The following ANXA2 variants were observed in gnomAD, a reference collection of about 807,000 sequenced individuals.
ANXA2 encodes annexin II.
A neutral mutation model predicts 47.3 loss-of-function variants in ANXA2; 28 were observed. That is an observed-to-expected ratio of 0.59 (90% CI 0.44 to 0.81). The LOEUF (loss-of-function observed/expected upper bound fraction) is 0.81, where lower values mean the gene tolerates loss of function less well. ANXA2 is among the 40% of genes least tolerant of loss of function. The probability of loss-of-function intolerance (pLI) is 0.00; values close to 1 mark genes in which losing one functional copy is unlikely to be tolerated. For synonymous variants in ANXA2, 172 were observed against 155.5 expected (o/e 1.11, Z -0.79); for missense variants, 384 against 414.3 (o/e 0.93, Z 0.64).
intron 12 of ANXA2, among the ~76,000 whole-genome samples, chr15:60,348,196 A>T (rs1895813274): frequency 6.6e-6 from 1 of 152,206 alleles, no homozygotes; most frequent in African/African-American, 2.4e-5. Context: ...GCTACAAAAA[A>T]TCCAGCTCTA....
chr15:60,369,331 T>C (rs751743475), intron 3 of ANXA2, among the ~76,000 whole-genome samples: 20 of 152,262 alleles, frequency 1.3e-4, no homozygotes, highest in Admixed American at 7.2e-4. Flanking sequence ...CAAAATTCTA[T>C]GGCTCTAGGT....
At chr15:60,350,680 T>C (rs913730883) in intron 11 of ANXA2, among the ~76,000 whole-genome samples, 1 of 152,122 alleles carries the variant, frequency 6.6e-6, no homozygotes, top group Non-Finnish European at 1.5e-5. Context: ...GGGGCTGTCT[T>C]TGGGGTCTGA....
intron 5 of ANXA2, 137 bp downstream of exon 5, chr15:60,360,804 T>C: frequency 1.6e-6 from 1 of 638,606 alleles, no homozygotes; most frequent in Non-Finnish European, 2.8e-6. Flanking sequence ...CTGAGACATA[T>C]AACTTCAGTT....
intron 1 of ANXA2, among the ~76,000 whole-genome samples, chr15:60,392,022 T>A (rs2063018402): frequency 6.6e-6 from 1 of 152,156 alleles, no homozygotes; most frequent in South Asian, 2.1e-4. Flanking sequence ...TGACCCTTTA[T>A]CAGAGAACGT....
chr15:60,372,903 C>G (rs1157392002), intron 3 of ANXA2, among the ~76,000 whole-genome samples: 1 of 151,832 alleles, frequency 6.6e-6, no homozygotes, highest in Admixed American at 6.6e-5. Context: ...CCTTTGTTGC[C>G]CAGGCCCTCC....
intron 1 of ANXA2, chr15:60,390,460 G>A: frequency 2.0e-6 from 1 of 510,632 alleles, no homozygotes; most frequent in Non-Finnish European, 3.9e-6. Context: ...AGGACTCCCT[G>A]TATGCCCAGG....
intron 1 of ANXA2, chr15:60,397,144 A>C (rs1414097542): frequency 2.3e-6 from 1 of 440,102 alleles, no homozygotes; most frequent in Non-Finnish European, 3.0e-6. Flanking sequence ...CAGAGCGGCC[A>C]GAAGGGAGAG....
intron 5 of ANXA2, among the ~76,000 whole-genome samples, chr15:60,360,300 T>C (rs1049315791): frequency 6.6e-6 from 1 of 152,202 alleles, no homozygotes; most frequent in Admixed American, 6.5e-5. Context: ...ATTTTAAGTA[T>C]GCACAAAGTT....
chr15:60,357,157 A>G lies in ANXA2; in HGVS notation c.437T>C (p.Val146Ala). ...TNQELQEINRVYKEMYKTDLE... is the reference protein window; with the variant it reads ...TNQELQEINRAYKEMYKTDLE... Reference sequence around the variant, plus strand: ...ATCAAGCTACTCACTTTCCTTGTAGACTCTGTTAATTTCCTGCAGCTCCTG... The same window carrying G: ...ATCAAGCTACTCACTTTCCTTGTAGGCTCTGTTAATTTCCTGCAGCTCCTG... Residue 146 changes from valine to alanine, a missense_variant, in exon 6 of 13, where the codon GTC becomes GCC. Val to Ala is a moderately conservative substitution (Grantham distance 64). Coordinates refer to ENST00000451270, the MANE Select transcript of ANXA2 (RefSeq NM_004039.3). 6.2e-7 allele frequency: 1 copy of G among 1,613,830 alleles called. No homozygotes were observed.
chr15:60,377,167 C>T (rs1272325818), intron 3 of ANXA2, among the ~76,000 whole-genome samples: 1 of 152,152 alleles, frequency 6.6e-6, no homozygotes, highest in Non-Finnish European at 1.5e-5. Flanking sequence ...TTCTTAATTA[C>T]ACTTAAGGCA....
At chr15:60,357,982 T>C (rs1431246429) in intron 5 of ANXA2, among the ~76,000 whole-genome samples, 1 of 152,228 alleles carries the variant, frequency 6.6e-6, no homozygotes, top group Non-Finnish European at 1.5e-5. Context: ...CTCGCTAAAA[T>C]AAAGGAATAC....
chr15:60,366,379 G>A (rs2062603084), intron 3 of ANXA2, among the ~76,000 whole-genome samples: 1 of 150,008 alleles, frequency 6.7e-6, no homozygotes, highest in South Asian at 2.1e-4. Context: ...CTTCCCCGCC[G>A]CCATCCCATC....
At position 60,352,252 on chromosome 15, in the gene ANXA2, T is replaced by C. The variant is rs986543220; in HGVS notation, c.682+131A>G. 1 of 579,280 alleles carries C rather than the reference T, an allele frequency of 1.7e-6. No individual in the cohort carries two copies. Among genetic ancestry groups the C allele is most frequent in the Non-Finnish European group, 3.1e-6 (1 of 326,618 alleles). The allele number at this position is 579,280 out of a possible 1,614,324, so 35.9% of individuals were successfully genotyped here. On this transcript the variant is annotated intron_variant, in intron 9 of 12. Coordinates refer to ENST00000451270, the MANE Select transcript of ANXA2 (RefSeq NM_004039.3). This position sits in a 1 kb window ranked among gnomAD's most constrained non-coding sequence, Gnocchi z 4.2. ...AATGGGAGAGAAAGGTGAGGGAAAA[T>C]GGGTGAGCCTATGAGAGTGCCAAGC...
At chr15:60,372,036 C>T (rs1354371367) in intron 3 of ANXA2, among the ~76,000 whole-genome samples, 3 of 152,068 alleles carry the variant, frequency 2.0e-5, no homozygotes, top group African/African-American at 7.3e-5. Flanking sequence ...GTAATCCCAG[C>T]TACTCGGGAG....
intron 3 of ANXA2, among the ~76,000 whole-genome samples, chr15:60,382,051 GGGGAGGGA>G (rs138999986): frequency 0.22 from 29,613 of 137,726 alleles, 3,744 homozygotes; most frequent in South Asian, 0.28. Context: ...AAAGAAGGGA[GGGGAGGGA>G]GGGAGGGAGG....
At chr15:60,388,694 C>G (rs2062966318) in intron 1 of ANXA2, among the ~76,000 whole-genome samples, 1 of 150,742 alleles carries the variant, frequency 6.6e-6, no homozygotes, top group African/African-American at 2.4e-5. Flanking sequence ...CTTAGCCTAC[C>G]AAAGCACTGA....
intron 3 of ANXA2, among the ~76,000 whole-genome samples, chr15:60,370,907 G>A (rs1309707709): frequency 6.6e-6 from 1 of 152,218 alleles, no homozygotes; most frequent in African/African-American, 2.4e-5. Flanking sequence ...TTCCTCGTGT[G>A]TCTGATATGA....
At chr15:60,364,350 A>G (rs2062561125) in intron 4 of ANXA2, 79 bp downstream of exon 4, 2 of 1,152,270 alleles carry the variant, frequency 1.7e-6, no homozygotes, top group Non-Finnish European at 2.6e-6. Context: ...GAGAGCCACA[A>G]TTCATGAAAA....
At chr15:60,359,019 G>C (rs917056743) in intron 5 of ANXA2, among the ~76,000 whole-genome samples, 2 of 152,178 alleles carry the variant, frequency 1.3e-5, no homozygotes, top group Admixed American at 1.3e-4. Context: ...CTATCACAAG[G>C]GCAAATTCTA....
Sources: gnomAD v4.1 joint callset for allele counts (sites outside exome capture counted in the v4.1 genomes callset) on GRCh38, gnomAD v4.1.1 for gene constraint, Gnocchi (gnomAD v3.1) non-coding constraint, MANE v1.5 for transcripts, NCBI Gene and HGNC (gene_info 2026-07-23, HGNC 2026-07-21) for gene names.